Variants in IL16 observed in about 807,000 individuals in gnomAD.
IL16 encodes the protein interleukin 16, also known as pro-interleukin-16.
A neutral mutation model predicts 110.1 loss-of-function variants in IL16; 67 were observed. That is an observed-to-expected ratio of 0.61 (90% CI 0.50 to 0.75). The LOEUF is 0.75. Ranked by LOEUF, IL16 falls within the 30% of genes least tolerant of loss-of-function variation. The pLI is 0.00. For missense variants in IL16, 1,545 were observed against 1,655.0 expected (o/e 0.93, Z 1.15); for synonymous variants, 689 against 662.9 (o/e 1.04, Z -0.61).
chr15:81,218,187 A>G (rs972837477), intron 1 of IL16, among the ~76,000 whole-genome samples: 1 of 152,196 alleles, frequency 6.6e-6, no homozygotes, highest in Non-Finnish European at 1.5e-5. Flanking sequence ...TGAAGTAAAT[A>G]TACAAAAGTC....
chr15:81,306,287 C>T, intron 17 of IL16, 121 bp downstream of exon 17: 2 of 1,522,328 alleles, frequency 1.3e-6, no homozygotes, highest in Non-Finnish European at 1.8e-6. Flanking sequence ...GCCTAGTACA[C>T]TGCCTGAGAC....
At chr15:81,200,949 T>C (rs571313872) in intron 1 of IL16, among the ~76,000 whole-genome samples, 4 of 152,184 alleles carry the variant, frequency 2.6e-5, no homozygotes, top group Non-Finnish European at 5.9e-5. Context: ...CCCAGTCTTA[T>C]GCGCTTTCCC....
chr15:81,234,277 T>C (rs1472230369), intron 2 of IL16, among the ~76,000 whole-genome samples: 5 of 152,160 alleles, frequency 3.3e-5, no homozygotes, highest in African/African-American at 4.8e-5. Flanking sequence ...TGTGTTTGGA[T>C]CTATGTGTAC....
intron 2 of IL16, among the ~76,000 whole-genome samples, chr15:81,258,438 C>T (rs1023950899): frequency 2.6e-5 from 4 of 152,162 alleles, no homozygotes; most frequent in East Asian, 1.9e-4. Context: ...CGATGACTCA[C>T]GCCTGTAATC....
At chr15:81,292,475 G>C (rs751693494) in intron 11 of IL16, 81 bp from the exon 12 acceptor site, 1 of 1,588,274 alleles carries the variant, frequency 6.3e-7, no homozygotes, top group Admixed American at 1.7e-5. Context: ...TGTGCTGCCC[G>C]TGGCAGTCAC....
intron 2 of IL16, among the ~76,000 whole-genome samples, chr15:81,233,958 A>G (rs1384578617): frequency 6.6e-6 from 1 of 151,930 alleles, no homozygotes; most frequent in Non-Finnish European, 1.5e-5. Flanking sequence ...TTGAAGCTAT[A>G]CTCTATGTGC....
chr15:81,211,619 C>A (rs1896247584), intron 1 of IL16, among the ~76,000 whole-genome samples: 1 of 152,118 alleles, frequency 6.6e-6, no homozygotes, highest in Admixed American at 6.5e-5. Context: ...AACTCCTGGG[C>A]TTAAGCAATC....
intron 2 of IL16, among the ~76,000 whole-genome samples, chr15:81,232,227 T>C (rs138751549): frequency 2.6e-4 from 39 of 152,190 alleles, no homozygotes; most frequent in African/African-American, 8.9e-4. Flanking sequence ...CAAAGTTTGA[T>C]TGGAGATTTT....
intron 12 of IL16, 61 bp downstream of exon 12, chr15:81,293,098 G>C: frequency 6.6e-7 from 1 of 1,517,902 alleles, no homozygotes; most frequent in Non-Finnish European, 8.8e-7. Flanking sequence ...TTGAGCATGG[G>C]CAAATTAGCA....
At chr15:81,257,167 C>T (rs1226514763) in intron 2 of IL16, among the ~76,000 whole-genome samples, 1 of 152,184 alleles carries the variant, frequency 6.6e-6, no homozygotes, top group African/African-American at 2.4e-5. Context: ...GTTAATATAG[C>T]ACCATCTGCT....
chr15:81,224,757 T>G (rs1342341909), intron 1 of IL16, among the ~76,000 whole-genome samples: 2 of 152,188 alleles, frequency 1.3e-5, no homozygotes, highest in African/African-American at 2.4e-5. Flanking sequence ...TCAGTGGTCT[T>G]CAGACTCAGC....
At chr15:81,197,324 G>T (rs534808901) in intron 1 of IL16, among the ~76,000 whole-genome samples, 172 bp downstream of exon 1, 20 of 152,212 alleles carry the variant, frequency 1.3e-4, no homozygotes, top group Non-Finnish European at 2.4e-4. Context: ...GTGTTGGTAG[G>T]AATCTCTGTG....
chr15:81,186,124 C>A (rs1194268870), intron 1 of IL16, among the ~76,000 whole-genome samples: 2 of 152,212 alleles, frequency 1.3e-5, no homozygotes, highest in Non-Finnish European at 2.9e-5. Flanking sequence ...GAGGCCTCGC[C>A]CTGAACCCTG....
intron 2 of IL16, among the ~76,000 whole-genome samples, chr15:81,249,049 C>T (rs977089655): frequency 6.6e-6 from 1 of 152,020 alleles, no homozygotes; most frequent in African/African-American, 2.4e-5. Context: ...TTATGGTGAA[C>T]TCAGAAAATT....
intron 2 of IL16, among the ~76,000 whole-genome samples, chr15:81,226,605 G>A (rs992757126): frequency 6.6e-6 from 1 of 152,210 alleles, no homozygotes; most frequent in Non-Finnish European, 1.5e-5. Flanking sequence ...GCCTTCTTCA[G>A]GAGGGAAATC....
At chr15:81,302,177 G>A (rs551953069) in intron 15 of IL16, 1 of 152,486 alleles carries the variant, frequency 6.6e-6, no homozygotes, top group East Asian at 1.9e-4. Flanking sequence ...AGGCTAGGAT[G>A]AGAGGATAAG....
At chr15:81,287,270 AG>A (rs886334684) in intron 10 of IL16, among the ~76,000 whole-genome samples, 20 of 152,322 alleles carry the variant, frequency 1.3e-4, no homozygotes, top group African/African-American at 4.8e-4. Flanking sequence ...GAAGAGGAAA[AG>A]GTAGCAGGCT....
At chr15:81,221,838 C>A (rs539929341) in intron 1 of IL16, among the ~76,000 whole-genome samples, 1 of 152,296 alleles carries the variant, frequency 6.6e-6, no homozygotes, top group Admixed American at 6.5e-5. Context: ...TGGTGATTCT[C>A]TTGGGAAGAG....
chr15:81,244,752 T>C (rs1897476282), intron 2 of IL16, among the ~76,000 whole-genome samples: 1 of 152,186 alleles, frequency 6.6e-6, no homozygotes, highest in Non-Finnish European at 1.5e-5. Flanking sequence ...TGCTCAGCCA[T>C]TATTTATGAA....
Sources: gnomAD v4.1 joint callset for allele counts (sites outside exome capture counted in the v4.1 genomes callset) on GRCh38, gnomAD v4.1.1 for gene constraint, MANE v1.5 for transcripts, NCBI Gene and HGNC (gene_info 2026-07-23, HGNC 2026-07-21) for gene names.